LUC7L2: variants seen among roughly 807,000 people sequenced by gnomAD.
The protein encoded by LUC7L2 is putative RNA-binding protein Luc7-like 2.
In LUC7L2, 25 loss-of-function variants were observed where a neutral mutation model predicts 52.8. The ratio of observed to expected loss-of-function variants is 0.47; its 90% CI spans 0.34 to 0.66. The LOEUF (loss-of-function observed/expected upper bound fraction) is 0.66. LUC7L2 is among the 30% of genes least tolerant of loss of function. The probability of loss-of-function intolerance (pLI) is 0.01; values close to 1 mark genes in which losing one functional copy is unlikely to be tolerated. For missense variants in LUC7L2, 328 were observed against 497.8 expected (o/e 0.66, Z 3.25); for synonymous variants, 144 against 160.9 (o/e 0.89, Z 0.80).
chr7:139,404,347 A>G (rs1324034274), intron 4 of LUC7L2, among the ~76,000 whole-genome samples: 1 of 152,134 alleles, frequency 6.6e-6, no homozygotes, highest in East Asian at 1.9e-4. Context: ...CTGTTTCTAC[A>G]AAAACTGCAA....
chr7:139,340,509 G>C (rs983357593), exon 1 of LUC7L2: 9 of 398,448 alleles, frequency 2.3e-5, no homozygotes, highest in Non-Finnish European at 4.0e-5. Flanking sequence ...CATCGGTGCA[G>C]TTTCGAGGGT....
chr7:139,406,572 T>G (rs1424430576), intron 5 of LUC7L2, among the ~76,000 whole-genome samples: 1 of 152,092 alleles, frequency 6.6e-6, no homozygotes, highest in Non-Finnish European at 1.5e-5. Context: ...CAGGCTGGTC[T>G]TGAACTCCTG....
At chr7:139,410,615 GAC>G (rs1223168650) in intron 7 of LUC7L2, among the ~76,000 whole-genome samples, 1 of 152,094 alleles carries the variant, frequency 6.6e-6, no homozygotes, top group Admixed American at 6.5e-5. Flanking sequence ...CTTTAGGATG[GAC>G]AGTTATATCA....
chr7:139,412,257 G>A (rs1383965312), intron 7 of LUC7L2, among the ~76,000 whole-genome samples: 5 of 150,482 alleles, frequency 3.3e-5, no homozygotes, highest in Non-Finnish European at 5.9e-5. Context: ...GAAAAAATCC[G>A]AAACACTTAT....
intron 1 of LUC7L2, chr7:139,371,245 A>G (rs1285224384): frequency 3.3e-6 from 2 of 612,970 alleles, no homozygotes; most frequent in East Asian, 2.7e-5. Flanking sequence ...CAAAATACTG[A>G]TTGTTTTTGT....
At chr7:139,397,171 A>G (rs1376455919) in intron 2 of LUC7L2, among the ~76,000 whole-genome samples, 1 of 152,222 alleles carries the variant, frequency 6.6e-6, no homozygotes, top group Non-Finnish European at 1.5e-5. Flanking sequence ...ATAGTGGCAT[A>G]TAAATAAATA....
intron 1 of LUC7L2, 77 bp from the exon 2 acceptor site, chr7:139,375,985 G>GCT (rs1455326307): frequency 6.8e-7 from 1 of 1,463,504 alleles, no homozygotes; most frequent in Non-Finnish European, 9.4e-7. Context: ...CACATAAAAA[G>GCT]CTAGTAATAG....
At chr7:139,359,689 C>T, upstream of LUC7L2, 2 of 398,074 alleles carry the variant, frequency 5.0e-6, no homozygotes, top group Non-Finnish European at 8.9e-6. Flanking sequence ...TAAGGTTTGG[C>T]GCCTCGGGGC....
At chr7:139,397,303 A>G (rs1160174757) in intron 2 of LUC7L2, among the ~76,000 whole-genome samples, 1 of 152,232 alleles carries the variant, frequency 6.6e-6, no homozygotes, top group African/African-American at 2.4e-5. Flanking sequence ...CTCTTCAGAA[A>G]GGTCTTCTCT....
intron 9 of LUC7L2, among the ~76,000 whole-genome samples, chr7:139,421,681 A>G (rs1449892771): frequency 6.6e-6 from 1 of 152,250 alleles, no homozygotes; most frequent in Non-Finnish European, 1.5e-5. Context: ...TCTGGCCGGT[A>G]GCCTGTACAA....
rs879271276 is a variant in LUC7L2, at chr7:139,365,103, A to C, written c.61+4781A>C. ...AACTATTTAACTTTATCAGAGTTTCAGGCATATCCAAAACACTGAAAGCAC... is the reference window on the plus strand; with the variant it reads ...AACTATTTAACTTTATCAGAGTTTCCGGCATATCCAAAACACTGAAAGCAC... On this transcript the variant is annotated intron_variant, in intron 1 of 9. Coordinates refer to ENST00000354926, the MANE Select transcript of LUC7L2 (RefSeq NM_016019.5). Among the ~76,000 whole-genome samples the C allele has an allele frequency of 1.1e-4, 17 of 152,222 alleles. 1 individual carries two copies. The highest frequency in any genetic ancestry group is 6.5e-4 in the Admixed American group (10 of 15,288).
chr7:139,372,543 C>A (rs1358826661), intron 1 of LUC7L2, among the ~76,000 whole-genome samples: 3 of 151,994 alleles, frequency 2.0e-5, no homozygotes, highest in Admixed American at 6.6e-5. Flanking sequence ...TATTTCCATT[C>A]TTGGTGGTAA....
chr7:139,368,460 C>T (rs939354111), intron 1 of LUC7L2, among the ~76,000 whole-genome samples: 5 of 152,092 alleles, frequency 3.3e-5, no homozygotes, highest in African/African-American at 1.2e-4. Context: ...ATAAAGAGGC[C>T]GGGCACTGTG....
At chr7:139,393,110 T>C (rs1360451218) in intron 2 of LUC7L2, among the ~76,000 whole-genome samples, 1 of 151,604 alleles carries the variant, frequency 6.6e-6, no homozygotes, top group Non-Finnish European at 1.5e-5. Flanking sequence ...CTACTAAAAA[T>C]ACAAAAATTA....
At chr7:139,343,035 T>C (rs943750375) in intron 1 of LUC7L2, among the ~76,000 whole-genome samples, 10 of 152,156 alleles carry the variant, frequency 6.6e-5, no homozygotes, top group African/African-American at 2.2e-4. Context: ...GAAAATACAG[T>C]GTTCTATTTC....
At chr7:139,400,139 C>T (rs1050406814) in intron 3 of LUC7L2, among the ~76,000 whole-genome samples, 2 of 151,744 alleles carry the variant, frequency 1.3e-5, no homozygotes, top group Admixed American at 6.6e-5. Flanking sequence ...TTTGGCCTTG[C>T]GGGGGTATTT....
chr7:139,417,637 C>T lies in LUC7L2; in HGVS notation c.909C>T (p.His303=), dbSNP rs1163323197. ...AATCTCGGGAGAAACGCCATCGCCA[C>T]AGGTCCCGCTCCAGCAGCCGTAGCC... ...RSKSREKRHR[H]RSRSSSRSRS... is the part of the protein sequence containing the mutation. Residue 303 remains histidine (H), a synonymous_variant, in exon 9 of 10, where the codon CAC becomes CAT. Transcript: ENST00000354926. The T allele has an allele frequency of 6.2e-7, 1 of 1,614,060 alleles. No homozygotes were observed. Among genetic ancestry groups the T allele is most frequent in the African/African-American group, 1.3e-5 (1 of 74,898 alleles).
rs541623322 is a variant in LUC7L2, at chr7:139,423,100, G to A, written c.*760G>A. On this transcript the variant is annotated 3_prime_UTR_variant, in exon 10 of 10. Coordinates refer to ENST00000354926, the MANE Select transcript of LUC7L2 (RefSeq NM_016019.5). ...TATTTTGTGTGTGTGGAGTATAAAG[G>A]CTACACCCTTATTGTAAAAAAATAA... 2.3e-5 allele frequency: 9 copies of A among 398,810 alleles called. No homozygotes were observed. The highest frequency in any genetic ancestry group is 1.3e-4 in the South Asian group (1 of 7,842). 24.7% of individuals were successfully genotyped at this position (398,810 alleles called of 1,614,324 possible).
At chr7:139,372,947 G>T (rs941541531) in intron 1 of LUC7L2, among the ~76,000 whole-genome samples, 1 of 152,114 alleles carries the variant, frequency 6.6e-6, no homozygotes, top group Non-Finnish European at 1.5e-5. Flanking sequence ...CAATGTCATT[G>T]TGACAGGATA....
Sources: gnomAD v4.1 joint callset for allele counts (sites outside exome capture counted in the v4.1 genomes callset) on GRCh38, gnomAD v4.1.1 for gene constraint, MANE v1.5 for transcripts, NCBI Gene and HGNC (gene_info 2026-07-23, HGNC 2026-07-21) for gene names.